TLN2: variants seen among roughly 807,000 people sequenced by gnomAD.
The protein encoded by TLN2 is talin-2.
Under a neutral mutation model 294.7 loss-of-function variants are expected in TLN2, and 118 were observed. That is an observed-to-expected ratio of 0.40 (90% CI 0.34 to 0.47). The LOEUF (loss-of-function observed/expected upper bound fraction) is 0.47, where lower values mean the gene tolerates loss of function less well. TLN2 is among the 20% of genes least tolerant of loss of function. The probability of loss-of-function intolerance (pLI) is 0.84; values close to 1 mark genes in which losing one functional copy is unlikely to be tolerated. For missense variants in TLN2, 3,083 were observed against 3,282.2 expected (o/e 0.94, Z 1.48); for synonymous variants, 1,431 against 1,304.5 (o/e 1.10, Z -2.09).
At chr15:62,773,770 TCATTTCTTTGTTTCTG>T (rs2063507076) in intron 42 of TLN2, among the ~76,000 whole-genome samples, 1 of 152,206 alleles carries the variant, frequency 6.6e-6, no homozygotes, top group Non-Finnish European at 1.5e-5. Context: ...GTAAATTACT[TCATTTCTTTGTTTCTG>T]CACCTAAACA....
At chr15:62,634,884 G>C (rs546418163) in intron 3 of TLN2, among the ~76,000 whole-genome samples, 1 of 152,202 alleles carries the variant, frequency 6.6e-6, no homozygotes, top group South Asian at 2.1e-4. Context: ...CTGTCATTTC[G>C]ACTGTTTGCA....
At chr15:62,654,937 C>A (rs1411169328) in intron 7 of TLN2, among the ~76,000 whole-genome samples, 1 of 152,014 alleles carries the variant, frequency 6.6e-6, no homozygotes, top group Non-Finnish European at 1.5e-5. Flanking sequence ...ATTACCCAGT[C>A]CACCTAGACT....
At chr15:62,721,547 A>G (rs993077963) in intron 25 of TLN2, among the ~76,000 whole-genome samples, 8 of 152,166 alleles carry the variant, frequency 5.3e-5, no homozygotes, top group African/African-American at 1.9e-4. Context: ...TTTGTCCTTA[A>G]TATTTATGAT....
At chr15:62,704,947 C>T (rs141542537) in intron 19 of TLN2, among the ~76,000 whole-genome samples, 554 of 152,286 alleles carry the variant, frequency 3.6e-3, no homozygotes, top group Non-Finnish European at 6.3e-3. Context: ...CATTTATGTT[C>T]CCCAAAAGTA....
At chr15:62,578,370 C>T (rs529471190) in intron 1 of TLN2, among the ~76,000 whole-genome samples, 2 of 152,150 alleles carry the variant, frequency 1.3e-5, no homozygotes, top group East Asian at 1.9e-4. Flanking sequence ...AGTTCGAGAC[C>T]AGCCTGGCCA....
chr15:62,543,733 G>A (rs2041834607), intron 1 of TLN2, among the ~76,000 whole-genome samples: 1 of 141,578 alleles, frequency 7.1e-6, no homozygotes, highest in African/African-American at 2.7e-5. Context: ...CCAGCCTGGT[G>A]ACAGAGCAAG....
intron 11 of TLN2, among the ~76,000 whole-genome samples, chr15:62,681,025 G>A (rs968762871): frequency 3.3e-5 from 5 of 152,164 alleles, no homozygotes; most frequent in Non-Finnish European, 1.5e-5. Flanking sequence ...GTTGTCAATT[G>A]TGCTGCTATA....
chr15:62,769,121 A>AGTTG (rs1278234939), intron 41 of TLN2, among the ~76,000 whole-genome samples: 2 of 152,258 alleles, frequency 1.3e-5, no homozygotes, highest in African/African-American at 4.8e-5. Context: ...GACATTTGAC[A>AGTTG]GTTGCATTGA....
At chr15:62,484,487 G>A (rs769993798) in intron 1 of TLN2, among the ~76,000 whole-genome samples, 4 of 151,774 alleles carry the variant, frequency 2.6e-5, no homozygotes, top group Non-Finnish European at 4.4e-5. Context: ...GTGCAGTGGC[G>A]CGATCTCGGC....
intron 52 of TLN2, among the ~76,000 whole-genome samples, chr15:62,815,177 T>TCACACACACACACACA (rs3055852): frequency 7.1e-5 from 10 of 140,688 alleles, no homozygotes; most frequent in South Asian, 2.3e-4. Flanking sequence ...ATTCTGTCTG[T>TCACACACACACACACA]CACACACACA....
intron 28 of TLN2, among the ~76,000 whole-genome samples, chr15:62,736,176 CG>C (rs1413902101): frequency 2.0e-5 from 3 of 151,948 alleles, no homozygotes; most frequent in Non-Finnish European, 4.4e-5. Flanking sequence ...AAAAATTAGC[CG>C]GGCGTGGTGA....
intron 21 of TLN2, 37 bp from the exon 22 acceptor site, chr15:62,711,874 C>A: frequency 6.4e-7 from 1 of 1,570,234 alleles, no homozygotes; most frequent in Non-Finnish European, 8.7e-7. Context: ...CTTTGAAAAG[C>A]AGACAAACAG....
At chr15:62,767,939 A>C (rs550326350) in intron 41 of TLN2, among the ~76,000 whole-genome samples, 19 of 151,840 alleles carry the variant, frequency 1.3e-4, no homozygotes, top group Middle Eastern at 3.4e-3. Context: ...GCATCAAAAG[A>C]AACATAATAT....
At chr15:62,575,619 C>CAG (rs986332543) in intron 1 of TLN2, among the ~76,000 whole-genome samples, 3 of 151,990 alleles carry the variant, frequency 2.0e-5, no homozygotes, top group Middle Eastern at 3.4e-3. Context: ...CACACACACA[C>CAG]ACACATACAC....
intron 1 of TLN2, among the ~76,000 whole-genome samples, chr15:62,558,512 C>T (rs1316710233): frequency 6.6e-6 from 1 of 151,910 alleles, no homozygotes; most frequent in Non-Finnish European, 1.5e-5. Context: ...TTGGAACAGA[C>T]CCCGTTCTTA....
intron 48 of TLN2, 74 bp from the exon 49 acceptor site, chr15:62,800,294 A>G: frequency 6.4e-7 from 1 of 1,566,210 alleles, no homozygotes; most frequent in Non-Finnish European, 8.6e-7. Context: ...GCCTGCCCTC[A>G]GGCTGCATGC....
rs1056184722 is a variant in TLN2 at position 62,805,476 on chromosome 15, G to T, written c.6478-124G>T. 5 of 1,026,658 alleles carry T rather than the reference G, an allele frequency of 4.9e-6. No individual in the cohort carries two copies. In the African/African-American group the frequency reaches 8.1e-5, roughly 17 times the overall value. The allele number at this position is 1,026,658 out of a possible 1,614,324, so 63.6% of individuals were successfully genotyped here. A position where few individuals can be genotyped will look rare whatever the true frequency, so the allele number is the denominator to read the frequency against. On this transcript the variant is annotated intron_variant, in intron 50 of 58. Coordinates refer to ENST00000636159, the MANE Select transcript of TLN2 (RefSeq NM_015059.3). ...GTACTCAAATTTCTAATTTCGCCAT[G>T]TGACAGTTTCTTCCAGTTACTGGCT... is the stretch of plus-strand genomic sequence containing the variant.
chr15:62,710,090 C>G (rs932288923), intron 21 of TLN2, among the ~76,000 whole-genome samples: 2 of 152,130 alleles, frequency 1.3e-5, no homozygotes, highest in African/African-American at 2.4e-5. Flanking sequence ...GCATAGTATT[C>G]TATTTTTTGA....
intron 3 of TLN2, among the ~76,000 whole-genome samples, chr15:62,639,151 T>C (rs2050709982): frequency 6.6e-6 from 1 of 152,162 alleles, no homozygotes; most frequent in Non-Finnish European, 1.5e-5. Context: ...GATGACTCCA[T>C]TGATGTAGTT....
Sources: allele counts gnomAD v4.1 joint callset (sites outside exome capture counted in the v4.1 genomes callset), GRCh38; gene constraint gnomAD v4.1.1; transcripts MANE v1.5; gene names NCBI Gene and HGNC (gene_info 2026-07-23, HGNC 2026-07-21).